MSRA: variants seen among roughly 807,000 people sequenced by gnomAD.
MSRA encodes the protein mitochondrial peptide methionine sulfoxide reductase.
In MSRA, 54 loss-of-function variants were observed where a neutral mutation model predicts 31.3. The observed-to-expected ratio is 1.73, with a 90% CI of 1.39 to 2.17. The LOEUF (loss-of-function observed/expected upper bound fraction) is 2.17. Among genes scored for constraint, MSRA ranks in the 30% most tolerant of loss-of-function variants. The probability of loss-of-function intolerance (pLI) is 0.00; values close to 1 mark genes in which losing one functional copy is unlikely to be tolerated. For synonymous variants in MSRA, 169 were observed against 116.5 expected (o/e 1.45, Z -2.90); for missense variants, 507 against 300.9 (o/e 1.69, Z -5.07).
intron 1 of MSRA, among the ~76,000 whole-genome samples, chr8:10,200,361 T>C (rs1475727503): frequency 6.6e-6 from 1 of 152,218 alleles, no homozygotes. Flanking sequence ...CACTTGCATA[T>C]GGTCCCTGGT....
Position 10,399,924 on chromosome 8 carries a change from A to G in MSRA, c.544-28224A>G, listed in dbSNP as rs559666796. On this transcript the variant is annotated intron_variant, in intron 5 of 5. Transcript: ENST00000317173. ...AGCATGGAACTTGTCAGAAAGGGAG[A>G]GCTGTTGGAGCCGCTTTGGAAGAAT... 9.2e-5 allele frequency among the ~76,000 whole-genome samples: 14 copies of G among 152,090 alleles called. No homozygotes were observed. In the South Asian group the frequency reaches 2.5e-3, roughly 27 times the overall value.
intron 1 of MSRA, among the ~76,000 whole-genome samples, chr8:10,188,233 A>C (rs1563197563): frequency 1.3e-5 from 2 of 152,168 alleles, no homozygotes; most frequent in Non-Finnish European, 2.9e-5. Context: ...TCTTATTTGG[A>C]TTTCACCAGT....
At position 10,406,004 on chromosome 8, in the gene MSRA, C is replaced by T. The variant is rs1021009115; in HGVS notation, c.544-22144C>T. Among the ~76,000 whole-genome samples the T allele has an allele frequency of 9.9e-5, 15 of 152,254 alleles. 1 individual carries two copies. Among genetic ancestry groups the T allele is most frequent in the East Asian group, 3.8e-4 (2 of 5,202 alleles). ...CTGAGACTGGCTATTCACCATCTGT[C>T]CTCCAGGGTAGGGCTGCCTGCAGTG... On this transcript the variant is annotated intron_variant, in intron 5 of 5. Transcript: ENST00000317173.
intron 5 of MSRA, among the ~76,000 whole-genome samples, chr8:10,419,147 C>G (rs1332550138): frequency 1.3e-5 from 2 of 152,158 alleles, no homozygotes; most frequent in Admixed American, 6.5e-5. Flanking sequence ...CCCTCCCGAC[C>G]CTGCTCTGTA....
In MSRA at chr8:10,423,934, A is replaced by ATTCATTC. The variant is rs1422950786; in HGVS notation, c.544-4214_544-4213insTTCATTC. On this transcript the variant is annotated intron_variant, in intron 5 of 5. Transcript: ENST00000317173. ...TCATTCATTCATTCATTCATTCATT[A>ATTCATTC]ATTGCACACAGTGCACAAAGCCCCG... Among the ~76,000 whole-genome samples the ATTCATTC allele has an allele frequency of 4.4e-3, 673 of 151,866 alleles. 21 individuals are homozygous for ATTCATTC. The East Asian group carries it at 0.068, about 15-fold the overall frequency.
intron 1 of MSRA, among the ~76,000 whole-genome samples, chr8:10,101,968 T>G (rs1799558468): frequency 6.6e-6 from 1 of 152,218 alleles, no homozygotes; most frequent in Non-Finnish European, 1.5e-5. Flanking sequence ...ACTCCCTTCT[T>G]TTGCCTTTGT....
intron 1 of MSRA, among the ~76,000 whole-genome samples, chr8:10,109,336 T>C (rs1800112660): frequency 6.7e-6 from 1 of 149,790 alleles, no homozygotes. Context: ...ACTTTTCTTT[T>C]CTTTTCTTTT....
intron 1 of MSRA, among the ~76,000 whole-genome samples, chr8:10,148,299 GTTTTTC>G (rs1803339093): frequency 6.6e-6 from 1 of 150,816 alleles, no homozygotes; most frequent in Non-Finnish European, 1.5e-5. Context: ...GGGCTGAAGA[GTTTTTC>G]TTTTTTTTTT....
chr8:10,092,417 G>A (rs1285216951), intron 1 of MSRA, among the ~76,000 whole-genome samples: 2 of 152,156 alleles, frequency 1.3e-5, no homozygotes, highest in East Asian at 3.9e-4. Context: ...CCAGCAGTTT[G>A]GGAGGCCGAG....
intron 1 of MSRA, among the ~76,000 whole-genome samples, chr8:10,103,646 G>A (rs1799678789): frequency 6.6e-6 from 1 of 152,090 alleles, no homozygotes; most frequent in African/African-American, 2.4e-5. Flanking sequence ...GATGGATAAA[G>A]ATAATGTACC....
rs1270177719 is a variant in MSRA at position 10,054,635 on chromosome 8, G to A, written c.119G>A (p.Arg40Gln). ...IVSPQEALPG[R>Q]KEQTPVAAKH... ...AGCCCCCAGGAGGCCTTGCCGGGCC[G>A]GAAGGAACAGACCCCTGTAGCGGGT... Residue 40 changes from arginine to glutamine, a missense_variant, in exon 1 of 6, where the codon CGG becomes CAG. Arg to Gln is a conservative substitution (Grantham distance 43, BLOSUM62 1). Transcript: ENST00000317173. 1.9e-6 allele frequency: 3 copies of A among 1,575,812 alleles called. No homozygotes were observed. The highest frequency in any genetic ancestry group is 1.4e-5 in the African/African-American group (1 of 71,434).
rs149875273 is a variant in MSRA at position 10,307,877 on chromosome 8, A to G, written c.436+6239A>G. 2.1e-3 allele frequency among the ~76,000 whole-genome samples: 323 copies of G among 152,298 alleles called. 1 individual carries two copies. The highest frequency in any genetic ancestry group is 7.5e-3 in the African/African-American group (313 of 41,554). On this transcript the variant is annotated intron_variant, in intron 4 of 5. Transcript: ENST00000317173. ...GGTGTGCAGCCACCCATAAAGACAA[A>G]ATCCCTGAGACACCTTAGAGCTAAG...
At chr8:10,087,584 C>G (rs1798630444) in intron 1 of MSRA, among the ~76,000 whole-genome samples, 1 of 152,142 alleles carries the variant, frequency 6.6e-6, no homozygotes. Context: ...GGGAAATGGT[C>G]CATAACTCAT....
intron 4 of MSRA, among the ~76,000 whole-genome samples, chr8:10,308,834 G>A (rs542936286): frequency 1.3e-5 from 2 of 152,326 alleles, no homozygotes; most frequent in South Asian, 2.1e-4. Flanking sequence ...GCAAGTCTTT[G>A]GAACCTCATT....
intron 3 of MSRA, among the ~76,000 whole-genome samples, chr8:10,274,336 G>A (rs1033830510): frequency 1.3e-5 from 2 of 152,168 alleles, no homozygotes; most frequent in Non-Finnish European, 2.9e-5. Context: ...TCATTAGTAT[G>A]TGTTTCTCAG....
At chr8:10,316,820 G>C (rs1361308971) in intron 4 of MSRA, among the ~76,000 whole-genome samples, 1 of 152,154 alleles carries the variant, frequency 6.6e-6, no homozygotes, top group Non-Finnish European at 1.5e-5. Flanking sequence ...CACTGTGAAG[G>C]ATAGAGGCTC....
intron 3 of MSRA, among the ~76,000 whole-genome samples, chr8:10,283,921 G>C (rs1468359521): frequency 6.9e-6 from 1 of 145,806 alleles, no homozygotes; most frequent in Non-Finnish European, 1.5e-5. Flanking sequence ...ATTTGGATTG[G>C]TTCTGCATTT....
At chr8:10,337,979 G>A (rs1803163271) in intron 5 of MSRA, among the ~76,000 whole-genome samples, 2 of 152,142 alleles carry the variant, frequency 1.3e-5, no homozygotes, top group Non-Finnish European at 2.9e-5. Context: ...GGAAAGCAGG[G>A]GTTAGGGGAG....
intron 5 of MSRA, among the ~76,000 whole-genome samples, chr8:10,372,455 G>T (rs1585612604): frequency 6.6e-6 from 1 of 152,146 alleles, no homozygotes; most frequent in South Asian, 2.1e-4. Flanking sequence ...TTTCCATTCA[G>T]TAATGTTATG....
Sources: gnomAD v4.1 joint callset for allele counts (sites outside exome capture counted in the v4.1 genomes callset) on GRCh38, gnomAD v4.1.1 for gene constraint, MANE v1.5 for transcripts, NCBI Gene and HGNC (gene_info 2026-07-23, HGNC 2026-07-21) for gene names.